Variants in MMP28 observed in about 807,000 individuals in gnomAD.
The protein encoded by MMP28 is matrix metalloproteinase-28.
In MMP28, 55 loss-of-function variants were observed where a neutral mutation model predicts 60.5. The ratio of observed to expected loss-of-function variants is 0.91; its 90% CI spans 0.73 to 1.14. The LOEUF is 1.14. Among genes scored for constraint, MMP28 ranks in the 50% most tolerant of loss-of-function variants. The probability of loss-of-function intolerance (pLI) is 0.00; values close to 1 mark genes in which losing one functional copy is unlikely to be tolerated. For missense variants in MMP28, 686 were observed against 738.3 expected, an observed-to-expected ratio of 0.93 and a Z score of 0.82; for synonymous variants, 318 against 312.5, an observed-to-expected ratio of 1.02 and a Z score of -0.18.
intron 1 of MMP28, among the ~76,000 whole-genome samples, chr17:35,788,958 C>T (rs941453223): frequency 6.6e-6 from 1 of 152,210 alleles, no homozygotes; most frequent in African/African-American, 2.4e-5. Flanking sequence ...GCATGCTCTT[C>T]CTACTTACTA....
At chr17:35,769,796 G>A (rs981479279) in intron 5 of MMP28, among the ~76,000 whole-genome samples, 3 of 151,764 alleles carry the variant, frequency 2.0e-5, no homozygotes, top group Non-Finnish European at 4.4e-5. Context: ...TCCAGTAAGT[G>A]GAACGCAAGG....
At chr17:35,764,852 A>G, downstream of MMP28, 1 of 397,096 alleles carries the variant, frequency 2.5e-6, no homozygotes, top group Non-Finnish European at 4.4e-6. Flanking sequence ...CCCGCTGTCA[A>G]CAGCGCCCAC....
downstream of MMP28, chr17:35,764,181 G>A (rs116067464): frequency 1.4e-3 from 2,150 of 1,548,284 alleles, 9 homozygotes; most frequent in African/African-American, 0.024. Context: ...GGCGAAGGCC[G>A]CGAGCGGCGC....
intron 1 of MMP28, 71 bp from the exon 2 acceptor site, chr17:35,779,394 G>T: frequency 7.9e-7 from 1 of 1,268,668 alleles, no homozygotes; most frequent in Non-Finnish European, 1.1e-6. Context: ...AGGGCCCAGG[G>T]CACATACATC....
At chr17:35,771,203 C>T (rs956143492) in intron 4 of MMP28, among the ~76,000 whole-genome samples, 64 of 152,146 alleles carry the variant, frequency 4.2e-4, no homozygotes, top group African/African-American at 1.4e-3. Flanking sequence ...GAGGCCGAGG[C>T]GGGTGGATCA....
downstream of MMP28, among the ~76,000 whole-genome samples, chr17:35,763,768 G>A (rs1555601980): frequency 6.6e-6 from 1 of 151,822 alleles, no homozygotes; most frequent in East Asian, 1.9e-4. Context: ...GCAGCGGGGC[G>A]TGCCTGTAGT....
At chr17:35,769,362 A>G (rs542984217) in intron 5 of MMP28, among the ~76,000 whole-genome samples, 1 of 152,382 alleles carries the variant, frequency 6.6e-6, no homozygotes, top group South Asian at 2.1e-4. Context: ...TCAGGTAAGC[A>G]GGACCTCAGT....
chr17:35,789,157 G>A (rs2086738202), intron 1 of MMP28, among the ~76,000 whole-genome samples: 1 of 152,118 alleles, frequency 6.6e-6, no homozygotes, highest in Non-Finnish European at 1.5e-5. Context: ...TGTACACAGG[G>A]TACAGGAATA....
chr17:35,771,828 G>C (rs1643869297), intron 4 of MMP28, among the ~76,000 whole-genome samples: 1 of 148,406 alleles, frequency 6.7e-6, no homozygotes, highest in South Asian at 2.2e-4. Flanking sequence ...GGAATGAGCA[G>C]AGGTAGTTGG....
intron 3 of MMP28, among the ~76,000 whole-genome samples, chr17:35,775,308 A>G (rs2086292727): frequency 6.6e-6 from 1 of 152,206 alleles, no homozygotes; most frequent in Admixed American, 6.5e-5. Context: ...GTCTCCCTCC[A>G]GATTTGCTCC....
intron 1 of MMP28, among the ~76,000 whole-genome samples, chr17:35,784,474 G>A (rs1432992065): frequency 2.0e-5 from 3 of 152,160 alleles, no homozygotes; most frequent in Admixed American, 6.5e-5. Context: ...TCCCGGGTGA[G>A]GAGGTGGTGG....
At chr17:35,772,304 G>C (rs1220449308) in intron 4 of MMP28, among the ~76,000 whole-genome samples, 1 of 152,214 alleles carries the variant, frequency 6.6e-6, no homozygotes, top group Non-Finnish European at 1.5e-5. Context: ...GTGCAGTGCT[G>C]TCTTAACTAG....
At chr17:35,770,453 G>T in intron 4 of MMP28, 141 bp from the exon 5 acceptor site, 1 of 1,103,348 alleles carries the variant, frequency 9.1e-7, no homozygotes, top group Non-Finnish European at 1.2e-6. Context: ...AGAACCTGAA[G>T]TGTGCAGAGG....
intron 4 of MMP28, among the ~76,000 whole-genome samples, chr17:35,770,714 A>ATG (rs56074641): frequency 0.079 from 11,700 of 147,544 alleles, 540 homozygotes; most frequent in African/African-American, 0.14. Flanking sequence ...TGAATAATAA[A>ATG]TGTGTGTGTG....
chr17:35,766,234 G>A lies in MMP28; in HGVS notation c.*266C>T. 5 of 1,260,328 alleles carry A rather than the reference G, an allele frequency of 4.0e-6. No homozygotes were observed. Among genetic ancestry groups the A allele is most frequent in the African/African-American group, 3.0e-5 (2 of 66,902 alleles). 78.1% of individuals were successfully genotyped at this position (1,260,328 alleles called of 1,614,324 possible). On this transcript the variant is annotated 3_prime_UTR_variant, in exon 8 of 8. Coordinates refer to ENST00000605424, the MANE Select transcript of MMP28 (RefSeq NM_024302.5). The surrounding 1 kb of genome is among the most constrained non-coding windows in gnomAD (Gnocchi z 4.3). ...AAACAAAGGCCTGGGGAGGATAGAA[G>A]TCCTCGGAGGAAAGGGCCAAGGGAT...
chr17:35,759,441 C>A (rs1011504374), intron 2 of MMP28, among the ~76,000 whole-genome samples: 6 of 152,148 alleles, frequency 3.9e-5, no homozygotes, highest in Non-Finnish European at 8.8e-5. Context: ...GTGGCTCAGG[C>A]CTGTCATCTG....
In MMP28 at chr17:35,779,258, G is replaced by GA. The variant is rs375769633; in HGVS notation, c.176dup (p.Ser60GlnfsTer45). 5.6e-6 allele frequency: 9 copies of GA among 1,612,788 alleles called. No homozygotes were observed. The African/African-American group carries it at 1.2e-4, about 21-fold the overall frequency. ...CTCCACCCTACCTGATGGCATCGCT[G>GA]AATCGAGTGGAGGTGGGAGCTTTGG... On this transcript the variant is annotated frameshift_variant, in exon 2 of 8. Coordinates refer to ENST00000605424, the MANE Select transcript of MMP28 (RefSeq NM_024302.5). LOFTEE classifies it high-confidence loss of function.
chr17:35,782,072 G>A (rs1446850449), intron 1 of MMP28, among the ~76,000 whole-genome samples: 10 of 130,154 alleles, frequency 7.7e-5, no homozygotes, highest in Non-Finnish European at 1.6e-4. Context: ...TTTTTTTTGA[G>A]ACAGAGTCTC....
downstream of MMP28, chr17:35,764,601 G>A (rs782088131): frequency 2.5e-6 from 4 of 1,586,068 alleles, no homozygotes; most frequent in Non-Finnish European, 3.4e-6. Flanking sequence ...TAAGGCGGGG[G>A]CCGCTGGGAA....
Sources: allele counts gnomAD v4.1 joint callset (sites outside exome capture counted in the v4.1 genomes callset), GRCh38; gene constraint gnomAD v4.1.1; non-coding constraint Gnocchi (gnomAD v3.1); transcripts MANE v1.5; gene names NCBI Gene and HGNC (gene_info 2026-07-23, HGNC 2026-07-21).